Variants in SCEL observed in about 807,000 individuals in gnomAD.
The protein encoded by SCEL is sciellin.
A neutral mutation model predicts 117.6 loss-of-function variants in SCEL; 113 were observed. That is an observed-to-expected ratio of 0.96 (90% confidence interval 0.83 to 1.12). The LOEUF is 1.12. Ranked by LOEUF, SCEL falls within the 50% of genes most tolerant of loss-of-function variation. SCEL has a pLI of 0.00. For missense variants in SCEL, 785 were observed against 810.8 expected, an observed-to-expected ratio of 0.97 and a Z score of 0.39; for synonymous variants, 270 against 256.2, an observed-to-expected ratio of 1.05 and a Z score of -0.51.
intron 9 of SCEL, among the ~76,000 whole-genome samples, chr13:77,584,940 A>T (rs2086477323): frequency 6.6e-6 from 1 of 152,322 alleles, no homozygotes; most frequent in East Asian, 1.9e-4. Context: ...TTTCCATGTA[A>T]ATTGCTCTTC....
At chr13:77,536,397 TG>T (rs1216666691) in intron 1 of SCEL, among the ~76,000 whole-genome samples, 1 of 152,128 alleles carries the variant, frequency 6.6e-6, no homozygotes, top group Non-Finnish European at 1.5e-5. Flanking sequence ...ATTTCTCACT[TG>T]AAAGTACCAA....
rs574121423 is a variant in SCEL, at chr13:77,581,990, C to T, written c.546-7154C>T. On this transcript the variant is annotated intron_variant, in intron 9 of 32. Transcript: ENST00000349847. Reference sequence around the variant, plus strand: ...TACAGTGAAGTATAGGTGATAGGGACATGCTGTGGTGTAGGGTTTGGGAGA... The same window carrying T: ...TACAGTGAAGTATAGGTGATAGGGATATGCTGTGGTGTAGGGTTTGGGAGA... Among the ~76,000 whole-genome samples the T allele has an allele frequency of 3.3e-5, 5 of 152,124 alleles. No homozygotes were observed. In the East Asian group the frequency reaches 9.7e-4, roughly 29 times the overall value.
chr13:77,642,815 GT>G lies in SCEL; in HGVS notation c.2050+9del. 2 of 1,493,186 alleles carry G rather than the reference GT, an allele frequency of 1.3e-6. No homozygotes were observed. The highest frequency in any genetic ancestry group is 1.8e-6 in the Non-Finnish European group (2 of 1,084,584). The allele number at this position is 1,493,186 out of a possible 1,614,324, so 92.5% of individuals were successfully genotyped here. A position where few individuals can be genotyped will look rare whatever the true frequency, so the allele number is the denominator to read the frequency against. ...TGCTACTCTAAAATTATGGGTAAGT[GT>G]TACACTCTAAGCATTTAACACTTTG... On this transcript the variant is annotated splice_region_variant and intron_variant, in intron 32 of 32. Coordinates refer to ENST00000349847, the MANE Select transcript of SCEL (RefSeq NM_144777.3).
intron 18 of SCEL, among the ~76,000 whole-genome samples, chr13:77,603,695 T>C (rs2087893557): frequency 6.6e-6 from 1 of 152,196 alleles, no homozygotes; most frequent in African/African-American, 2.4e-5. Flanking sequence ...GATATCAAAG[T>C]ATTTTAATGG....
chr13:77,557,023 C>T, intron 3 of SCEL, among the ~76,000 whole-genome samples: 1 of 152,062 alleles, frequency 6.6e-6, no homozygotes, highest in East Asian at 1.9e-4. Context: ...TTTCCAGTTT[C>T]CAAAAAGGTA....
At chr13:77,539,688 C>A (rs1051301986) in intron 1 of SCEL, among the ~76,000 whole-genome samples, 3 of 152,112 alleles carry the variant, frequency 2.0e-5, no homozygotes. Flanking sequence ...GCGCCCACCA[C>A]CACGCCCAGC....
At chr13:77,612,566 T>C (rs532291907) in intron 22 of SCEL, among the ~76,000 whole-genome samples, 2 of 150,816 alleles carry the variant, frequency 1.3e-5, no homozygotes, top group South Asian at 4.2e-4. Context: ...TTATATTTTC[T>C]CTCGTGCATT....
At chr13:77,596,258 G>A (rs1014993420) in intron 12 of SCEL, among the ~76,000 whole-genome samples, 5 of 151,998 alleles carry the variant, frequency 3.3e-5, no homozygotes, top group African/African-American at 1.2e-4. Context: ...GCTTGAACCT[G>A]GGAGGCGGAG....
intron 10 of SCEL, 124 bp downstream of exon 10, chr13:77,589,348 CT>C (rs1244065108): frequency 1.7e-6 from 1 of 592,388 alleles, no homozygotes; most frequent in African/African-American, 1.9e-5. Context: ...AAAGAAGCGC[CT>C]GTAGAACTTT....
chr13:77,644,147 A>C, intron 32 of SCEL, 111 bp from the exon 33 acceptor site: 1 of 1,181,350 alleles, frequency 8.5e-7, no homozygotes, highest in Non-Finnish European at 1.2e-6. Context: ...TGGAAGGAAA[A>C]GTGGAATCCT....
chr13:77,617,594 TAAAG>T lies in SCEL; in HGVS notation c.1452-1_1454del. ...AAGTTGCTTTAATATTTTTTCCACT[TAAAG>T]AAAACAAGATCTTGATAAACTCATC... On this transcript the variant is annotated splice_acceptor_variant and splice_polypyrimidine_tract_variant and intron_variant, in intron 24 of 32. Transcript: ENST00000349847. LOFTEE classifies it high-confidence loss of function. 1 of 1,572,594 alleles carries T rather than the reference TAAAG, an allele frequency of 6.4e-7. No homozygotes were observed. The highest frequency in any genetic ancestry group is 8.7e-7 in the Non-Finnish European group (1 of 1,153,018).
intron 12 of SCEL, among the ~76,000 whole-genome samples, chr13:77,594,681 G>T (rs2087117428): frequency 6.6e-6 from 1 of 152,080 alleles, no homozygotes; most frequent in South Asian, 2.1e-4. Flanking sequence ...TGTCTTATTT[G>T]CCATTTACAG....
At chr13:77,565,117 C>T (rs2085214806) in intron 5 of SCEL, among the ~76,000 whole-genome samples, 1 of 152,172 alleles carries the variant, frequency 6.6e-6, no homozygotes, top group Non-Finnish European at 1.5e-5. Flanking sequence ...CTTTTGTAGG[C>T]TGTGCATCTG....
chr13:77,608,005 C>A, intron 19 of SCEL, 51 bp from the exon 20 acceptor site: 1 of 1,376,158 alleles, frequency 7.3e-7, no homozygotes, highest in Non-Finnish European at 1.0e-6. Flanking sequence ...TGTTGTCAGT[C>A]TACCATTGTT....
At chr13:77,637,059 T>C in intron 29 of SCEL, 61 bp from the exon 30 acceptor site, 1 of 805,844 alleles carries the variant, frequency 1.2e-6, no homozygotes, top group South Asian at 1.6e-5. Context: ...TGTGAGTGTG[T>C]TTTCTTATCT....
intron 9 of SCEL, among the ~76,000 whole-genome samples, chr13:77,585,820 A>G (rs1030181361): frequency 6.6e-6 from 1 of 151,956 alleles, no homozygotes; most frequent in African/African-American, 2.4e-5. Flanking sequence ...GTCATTGCCA[A>G]AATCCTCCAC....
rs778545381 is a variant in SCEL at position 77,602,085 on chromosome 13, C to T, written c.938C>T (p.Pro313Leu). ...DGKGIQSLGS[P>L]IKVNQRTDKN... ...TAAAGAATCCAAAGCCTTGGAAGTC[C>T]GATTAAAGTTAATCAAAGGACTGAC... The change falls in exon 16 of 33, where the codon CCG becomes CTG. Residue 313 changes from proline (P) to leucine (L), a missense_variant. Pro to Leu is a moderately conservative substitution (Grantham distance 98). Coordinates refer to ENST00000349847, the MANE Select transcript of SCEL (RefSeq NM_144777.3). The T allele has an allele frequency of 2.5e-6, 4 of 1,610,316 alleles. No homozygotes were observed. Among genetic ancestry groups the T allele is most frequent in the Non-Finnish European group, 3.4e-6 (4 of 1,178,484 alleles).
intron 8 of SCEL, among the ~76,000 whole-genome samples, chr13:77,570,860 T>C (rs2085559526): frequency 6.6e-6 from 1 of 152,106 alleles, no homozygotes; most frequent in South Asian, 2.1e-4. Flanking sequence ...CTTTTTCTTT[T>C]TTCTTTTTCT....
Position 77,612,460 on chromosome 13 carries a change from T to C in SCEL, c.1338-431T>C, listed in dbSNP as rs9574089. Among the ~76,000 whole-genome samples the C allele has an allele frequency of 2.4e-3, 36 of 14,712 alleles. 1 individual carries two copies. Among genetic ancestry groups the C allele is most frequent in the Admixed American group, 4.0e-3 (6 of 1,504 alleles). The allele number at this position is 14,712 out of a possible 152,430, so 9.7% of individuals were successfully genotyped here. A position where few individuals can be genotyped will look rare whatever the true frequency, so the allele number is the denominator to read the frequency against. On this transcript the variant is annotated intron_variant, in intron 22 of 32. Coordinates refer to ENST00000349847, the MANE Select transcript of SCEL (RefSeq NM_144777.3). ...AAATAACTGCTTTTTTCTTTTCTTT[T>C]TTTTTTTTTTTTTTTTTTTTTTTTT... is the stretch of plus-strand genomic sequence containing the variant.
Sources: gnomAD v4.1 joint callset for allele counts (sites outside exome capture counted in the v4.1 genomes callset) on GRCh38, gnomAD v4.1.1 for gene constraint, MANE v1.5 for transcripts, NCBI Gene and HGNC (gene_info 2026-07-23, HGNC 2026-07-21) for gene names.